Variants in YARS2 observed in about 807,000 individuals in gnomAD.
YARS2 encodes tyrosine--tRNA ligase, mitochondrial.
YARS2 carries 38 observed loss-of-function variants against 45.0 expected under a neutral mutation model. The ratio of observed to expected loss-of-function variants is 0.84; its 90% CI spans 0.65 to 1.11. The LOEUF (loss-of-function observed/expected upper bound fraction) is 1.11, where lower values mean the gene tolerates loss of function less well. Among genes scored for constraint, YARS2 ranks in the 50% least tolerant of loss-of-function variants. The pLI is 0.00. For missense variants in YARS2, 602 were observed against 599.8 expected (o/e 1.00, Z -0.04); for synonymous variants, 287 against 245.1 (o/e 1.17, Z -1.60).
rs1955824380 is a variant in YARS2, at chr12:32,755,175, G to A, written c.700C>T (p.Gln234Ter). ...AGCTGGACCCTGCATCCATAACGCT[G>A]GAAGAGGTAATAGAAGTCATAGGCC... The part of the protein sequence containing the change: ...LQAYDFYYLF[Q>*]RYGCRVQLGG... The change falls in exon 1 of 5, where the codon CAG becomes TAG. Residue 234 changes from glutamine (Q) to a stop codon, truncating the protein, a stop_gained. Coordinates refer to ENST00000324868, the MANE Select transcript of YARS2 (RefSeq NM_001040436.3). LOFTEE classifies it high-confidence loss of function. The A allele has an allele frequency of 1.2e-6, 2 of 1,614,096 alleles. No homozygotes were observed. Among genetic ancestry groups the A allele is most frequent in the Admixed American group, 3.3e-5 (2 of 60,008 alleles).
intron 3 of YARS2, among the ~76,000 whole-genome samples, 186 bp from the exon 4 acceptor site, chr12:32,750,293 C>T (rs1207526433): frequency 6.6e-6 from 1 of 152,124 alleles, no homozygotes; most frequent in African/African-American, 2.4e-5. Flanking sequence ...CCTCTGCCTC[C>T]CGGGTTCAGG....
chr12:32,754,793 A>C (rs2137661490), intron 1 of YARS2, among the ~76,000 whole-genome samples: 1 of 147,062 alleles, frequency 6.8e-6, no homozygotes, highest in African/African-American at 2.5e-5. Context: ...CGGCTCACTG[A>C]AACCTTCGCC....
intron 4 of YARS2, among the ~76,000 whole-genome samples, chr12:32,748,058 G>A (rs945720330): frequency 2.6e-5 from 4 of 152,186 alleles, no homozygotes; most frequent in Non-Finnish European, 4.4e-5. Flanking sequence ...GGGCTACAGC[G>A]TGGCTAGATC....
chr12:32,753,334 C>T (rs752370988), intron 2 of YARS2, among the ~76,000 whole-genome samples: 5 of 152,152 alleles, frequency 3.3e-5, no homozygotes, highest in Non-Finnish European at 5.9e-5. Context: ...TCTAACTCTC[C>T]ATTTATGTAG....
intron 3 of YARS2, 119 bp from the exon 4 acceptor site, chr12:32,750,226 G>A: frequency 8.3e-7 from 1 of 1,206,360 alleles, no homozygotes; most frequent in Non-Finnish European, 1.2e-6. Flanking sequence ...TTTTGAGATG[G>A]AGTCTCGCTC....
At chr12:32,755,046 T>A in intron 1 of YARS2, 50 bp downstream of exon 1, 1 of 1,607,780 alleles carries the variant, frequency 6.2e-7, no homozygotes, top group Non-Finnish European at 8.5e-7. Context: ...AGGCTACTAG[T>A]GTGTAAATTA....
chr12:32,751,106 GCCC>G (rs1161140087), intron 2 of YARS2, among the ~76,000 whole-genome samples: 3 of 141,478 alleles, frequency 2.1e-5, no homozygotes, highest in African/African-American at 8.0e-5. Context: ...TCTTGCTGTT[GCCC>G]AGGCTGGAGT....
In YARS2 at chr12:32,755,857, C is replaced by T; in HGVS notation, c.18G>A (p.Leu6=). 1.2e-6 allele frequency: 2 copies of T among 1,613,244 alleles called. No individual in the cohort carries two copies. The change falls in exon 1 of 5, where the codon TTG becomes TTA. Residue 6 remains leucine, a synonymous_variant. Transcript: ENST00000324868. ...ACCACCGGCCCCAGGAAAAGGACCG[C>T]AAGATGGGCGCCGCCATCTTGGTAG... The part of the protein sequence containing the change: MAAPI[L]RSFSWGRWSG...
Position 32,755,086 on chromosome 12 carries a change from A to C in YARS2, c.779+10T>G. On this transcript the variant is annotated intron_variant, in intron 1 of 4. Coordinates refer to ENST00000324868, the MANE Select transcript of YARS2 (RefSeq NM_001040436.3). ...GTCCCAGGATTTCCCCAAGGTTTAA[A>C]GGCACTTACTTGTTGATGAACTCAT... 6.2e-7 allele frequency: 1 copy of C among 1,614,172 alleles called. No individual in the cohort carries two copies.
chr12:32,753,238 T>A (rs1178762064), intron 2 of YARS2, among the ~76,000 whole-genome samples: 1 of 152,206 alleles, frequency 6.6e-6, no homozygotes, highest in East Asian at 1.9e-4. Context: ...ACTGCGTCAC[T>A]ACACTCTAGC....
intron 4 of YARS2, 83 bp downstream of exon 4, chr12:32,749,854 G>A (rs988239823): frequency 6.5e-7 from 1 of 1,538,046 alleles, no homozygotes; most frequent in African/African-American, 1.4e-5. Context: ...TGTGATTACA[G>A]GCATGAGCCA....
intron 2 of YARS2, 92 bp downstream of exon 2, chr12:32,753,826 A>G (rs1219043365): frequency 6.4e-7 from 1 of 1,554,320 alleles, no homozygotes. Flanking sequence ...GTTAAAAACA[A>G]AAAAACTATA....
intron 1 of YARS2, 41 bp downstream of exon 1, chr12:32,755,055 T>C: frequency 6.2e-7 from 1 of 1,613,006 alleles, no homozygotes; most frequent in Non-Finnish European, 8.5e-7. Flanking sequence ...GTGTGTAAAT[T>C]ATTTGGTCCC....
Position 32,755,443 on chromosome 12 carries a change from C to A in YARS2, c.432G>T (p.Leu144=). The change falls in exon 1 of 5, where the codon CTG becomes CTT. Residue 144 remains leucine (L), a synonymous_variant. Transcript: ENST00000324868. ...TERVRANARA[L]RLGLEALAAN... ...CCGCCAGGGCCTCAAGCCCTAGGCG[C>A]AGAGCTCGCGCGTTGGCTCGCACGC... The A allele has an allele frequency of 6.2e-7, 1 of 1,613,114 alleles. No homozygotes were observed. Among genetic ancestry groups the A allele is most frequent in the African/African-American group, 1.3e-5 (1 of 75,060 alleles).
chr12:32,753,922 C>T lies in YARS2; in HGVS notation c.943G>A (p.Glu315Lys). The T allele has an allele frequency of 1.2e-6, 2 of 1,614,162 alleles. No homozygotes were observed. The highest frequency in any genetic ancestry group is 1.7e-6 in the Non-Finnish European group (2 of 1,180,022). The change falls in exon 2 of 5, where the codon GAA becomes AAA. Residue 315 changes from glutamate to lysine, a missense_variant. Coordinates refer to ENST00000324868, the MANE Select transcript of YARS2 (RefSeq NM_001040436.3). Reference protein sequence around the residue: ...FFVRQPDDSVERYLKLFTFLP... With the variant: ...FFVRQPDDSVKRYLKLFTFLP... The stretch of plus-strand genomic sequence containing the variant: ...AGCCCATTATTCAGAACTCACCTTT[C>T]CACTGAATCGTCCGGTTGCCTGACA...
At chr12:32,754,124 C>A in intron 1 of YARS2, 39 bp from the exon 2 acceptor site, 3 of 1,613,188 alleles carry the variant, frequency 1.9e-6, no homozygotes, top group Non-Finnish European at 2.5e-6. Flanking sequence ...GCCTCAAGCA[C>A]AAGTGGTGGT....
In YARS2 at chr12:32,750,732, C is replaced by G. The variant is rs201279283; in HGVS notation, c.1090G>C (p.Asp364His). Residue 364 changes from aspartate (D) to histidine (H), a missense_variant, in exon 3 of 5, where the codon GAT becomes CAT. By Grantham distance (81) the Asp-to-His change is moderately conservative. Transcript: ENST00000324868. ...TKLVHGREGL[D>H]SAKRCTQALY... The stretch of plus-strand genomic sequence containing the variant: ...CTAAACTACTACCTTTTAGCAGAAT[C>G]CAATCCTTCTCGTCCATGAACAAGC... The G allele has an allele frequency of 1.9e-6, 3 of 1,614,016 alleles. No homozygotes were observed. The highest frequency in any genetic ancestry group is 2.5e-6 in the Non-Finnish European group (3 of 1,180,016).
chr12:32,755,076 C>G lies in YARS2; in HGVS notation c.779+20G>C. ...AAATTATTTGGTCCCAGGATTTCCC[C>G]AAGGTTTAAAGGCACTTACTTGTTG... On this transcript the variant is annotated intron_variant, in intron 1 of 4. Transcript: ENST00000324868. 6.2e-7 allele frequency: 1 copy of G among 1,614,128 alleles called. No individual in the cohort carries two copies. The highest frequency in any genetic ancestry group is 2.2e-5 in the East Asian group (1 of 44,880).
chr12:32,750,342 C>T (rs1262329078), intron 3 of YARS2, among the ~76,000 whole-genome samples: 3 of 152,062 alleles, frequency 2.0e-5, no homozygotes, highest in East Asian at 1.9e-4. Context: ...GCTGGGATTA[C>T]AGACGTGTGC....
Sources: gnomAD v4.1 joint callset for allele counts (sites outside exome capture counted in the v4.1 genomes callset) on GRCh38, gnomAD v4.1.1 for gene constraint, MANE v1.5 for transcripts, NCBI Gene and HGNC (gene_info 2026-07-23, HGNC 2026-07-21) for gene names.